Variants in ARHGAP42 observed in about 807,000 individuals in gnomAD.
ARHGAP42 encodes the protein rho GTPase-activating protein 42.
A neutral mutation model predicts 125.0 loss-of-function variants in ARHGAP42; 63 were observed. The observed-to-expected ratio is 0.50, with a 90% CI of 0.41 to 0.62. The LOEUF is 0.62. Among genes scored for constraint, ARHGAP42 ranks in the 20% least tolerant of loss-of-function variants. The pLI, the probability that ARHGAP42 is intolerant of heterozygous loss-of-function variation, is 0.00. For missense variants in ARHGAP42, 766 were observed against 1,024.2 expected (o/e 0.75, Z 3.44); for synonymous variants, 339 against 351.0 (o/e 0.97, Z 0.38).
At position 100,992,687 on chromosome 11, in the gene ARHGAP42, G is replaced by A. The variant is rs1858871547; in HGVS notation, c.*3886G>A. 3 of 1,584,512 alleles carry A rather than the reference G, an allele frequency of 1.9e-6. No homozygotes were observed. Among genetic ancestry groups the A allele is most frequent in the Non-Finnish European group, 2.6e-6 (3 of 1,166,812 alleles). ...TGGTAATAACGTTGGGAAAATGCAGGTTTATGAATGATGTGGACTTTTAGA... is the reference window on the plus strand; with the variant it reads ...TGGTAATAACGTTGGGAAAATGCAGATTTATGAATGATGTGGACTTTTAGA... On this transcript the variant is annotated 3_prime_UTR_variant, in exon 24 of 24. Transcript: ENST00000298815.
chr11:100,794,388 TA>T (rs905317391), intron 2 of ARHGAP42, among the ~76,000 whole-genome samples: 62 of 152,284 alleles, frequency 4.1e-4, no homozygotes, highest in African/African-American at 1.4e-3. Context: ...CTACTAAAAG[TA>T]AAGCAATATA....
intron 4 of ARHGAP42, among the ~76,000 whole-genome samples, chr11:100,875,323 C>A (rs1044793066): frequency 6.6e-6 from 1 of 152,082 alleles, no homozygotes; most frequent in Non-Finnish European, 1.5e-5. Context: ...TGCCCAGCCT[C>A]CCACCATCCG....
intron 1 of ARHGAP42, among the ~76,000 whole-genome samples, chr11:100,712,262 A>G (rs1861577584): frequency 1.3e-5 from 2 of 152,210 alleles, no homozygotes; most frequent in Non-Finnish European, 2.9e-5. Context: ...TGTATAAATA[A>G]TTAGAATTTA....
intron 1 of ARHGAP42, among the ~76,000 whole-genome samples, chr11:100,767,924 A>G (rs534780543): frequency 3.9e-5 from 6 of 152,300 alleles, no homozygotes; most frequent in Non-Finnish European, 8.8e-5. Flanking sequence ...ATTTGAAGTC[A>G]GTGGTCTACA....
intron 4 of ARHGAP42, among the ~76,000 whole-genome samples, chr11:100,901,190 A>G (rs1866535577): frequency 2.0e-5 from 3 of 152,230 alleles, no homozygotes; most frequent in South Asian, 2.1e-4. Context: ...GGTCCACTCC[A>G]GACCCTGTTT....
At chr11:100,970,772 G>A (rs1858221040) in intron 17 of ARHGAP42, among the ~76,000 whole-genome samples, 1 of 152,086 alleles carries the variant, frequency 6.6e-6, no homozygotes, top group Non-Finnish European at 1.5e-5. Flanking sequence ...GTCCTGAAAC[G>A]AGGGAGATTT....
intron 20 of ARHGAP42, 114 bp from the exon 21 acceptor site, chr11:100,976,701 A>T: frequency 7.6e-7 from 1 of 1,320,686 alleles, no homozygotes. Context: ...AACATTCTGT[A>T]CCTTCCCATT....
At chr11:100,752,531 C>G in intron 1 of ARHGAP42, among the ~76,000 whole-genome samples, 1 of 152,204 alleles carries the variant, frequency 6.6e-6, no homozygotes. Flanking sequence ...GAGAGCCAGA[C>G]TACTGTGACT....
intron 1 of ARHGAP42, among the ~76,000 whole-genome samples, chr11:100,719,142 A>G (rs999045070): frequency 6.6e-6 from 1 of 152,250 alleles, no homozygotes; most frequent in African/African-American, 2.4e-5. Flanking sequence ...TGGTAGATAA[A>G]TTTAAAAATG....
intron 3 of ARHGAP42, among the ~76,000 whole-genome samples, chr11:100,818,876 A>AGATG (rs1322811040): frequency 1.3e-5 from 2 of 152,170 alleles, no homozygotes; most frequent in African/African-American, 4.8e-5. Context: ...GTAGAGGTAG[A>AGATG]GATGGCATTC....
intron 4 of ARHGAP42, among the ~76,000 whole-genome samples, chr11:100,881,428 T>C (rs922266421): frequency 6.6e-6 from 1 of 152,248 alleles, no homozygotes; most frequent in East Asian, 1.9e-4. Flanking sequence ...TTCTTTTCCA[T>C]TGGTCTATGT....
At chr11:100,877,911 A>G (rs1217282030) in intron 4 of ARHGAP42, among the ~76,000 whole-genome samples, 6 of 150,520 alleles carry the variant, frequency 4.0e-5, no homozygotes, top group Admixed American at 1.3e-4. Flanking sequence ...AGGCTGAAGC[A>G]GGAGAATCAC....
chr11:100,738,594 G>A (rs1591139584), intron 1 of ARHGAP42: 1 of 152,164 alleles, frequency 6.6e-6, no homozygotes, highest in Non-Finnish European at 1.5e-5. Flanking sequence ...TTTGAATAAT[G>A]AGAGGTATCA....
chr11:100,710,240 T>C (rs1436169436), intron 1 of ARHGAP42, among the ~76,000 whole-genome samples: 1 of 152,102 alleles, frequency 6.6e-6, no homozygotes, highest in Non-Finnish European at 1.5e-5. Flanking sequence ...TTCTTTTTTA[T>C]TTTTTTAGAC....
chr11:100,754,296 G>A (rs549306654), intron 1 of ARHGAP42, among the ~76,000 whole-genome samples: 1 of 152,316 alleles, frequency 6.6e-6, no homozygotes, highest in African/African-American at 2.4e-5. Context: ...GAACATTAAA[G>A]AAATCTTTCT....
chr11:100,935,148 A>T (rs72993993), intron 7 of ARHGAP42, among the ~76,000 whole-genome samples: 12,939 of 124,400 alleles, frequency 0.1, 657 homozygotes, highest in Non-Finnish European at 0.14. Context: ...TTTTTTTTTT[A>T]AAATGGGGAA....
At chr11:100,884,830 G>C (rs1565258699) in intron 4 of ARHGAP42, among the ~76,000 whole-genome samples, 1 of 152,172 alleles carries the variant, frequency 6.6e-6, no homozygotes, top group Non-Finnish European at 1.5e-5. Context: ...TGCAGAAGTA[G>C]ATAGAGAGCC....
intron 22 of ARHGAP42, among the ~76,000 whole-genome samples, chr11:100,981,602 C>T (rs1294433739): frequency 4.6e-5 from 7 of 152,212 alleles, no homozygotes; most frequent in Admixed American, 3.9e-4. Context: ...AGCATTGCTG[C>T]AGGCACTGCA....
intron 4 of ARHGAP42, among the ~76,000 whole-genome samples, chr11:100,898,538 A>G (rs997093551): frequency 6.6e-6 from 1 of 152,282 alleles, no homozygotes; most frequent in Middle Eastern, 3.4e-3. Context: ...TGGTCTATTC[A>G]GAGATTCATC....
Sources: gnomAD v4.1 joint callset for allele counts (sites outside exome capture counted in the v4.1 genomes callset) on GRCh38, gnomAD v4.1.1 for gene constraint, MANE v1.5 for transcripts, NCBI Gene and HGNC (gene_info 2026-07-23, HGNC 2026-07-21) for gene names.